The following CDC14A variants were observed in gnomAD, a reference collection of about 807,000 sequenced individuals.
CDC14A encodes dual specificity protein phosphatase CDC14A.
A neutral mutation model predicts 74.4 loss-of-function variants in CDC14A; 53 were observed. The ratio of observed to expected loss-of-function variants is 0.71; its 90% CI spans 0.57 to 0.89. CDC14A has a LOEUF of 0.89. Among genes scored for constraint, CDC14A ranks in the 40% least tolerant of loss-of-function variants. The pLI is 0.00. For missense variants in CDC14A, 646 were observed against 713.7 expected (o/e 0.91, Z 1.08); for synonymous variants, 247 against 258.4 (o/e 0.96, Z 0.43).
At chr1:100,415,055 A>C (rs1181837779) in intron 4 of CDC14A, among the ~76,000 whole-genome samples, 1 of 152,162 alleles carries the variant, frequency 6.6e-6, no homozygotes, top group Non-Finnish European at 1.5e-5. Context: ...AGAGATGTGC[A>C]TTTGTGCTGG....
At chr1:100,412,711 T>TA (rs1356778150) in intron 4 of CDC14A, among the ~76,000 whole-genome samples, 18 of 98,076 alleles carry the variant, frequency 1.8e-4, no homozygotes, top group South Asian at 5.1e-4. Flanking sequence ...TATATATATA[T>TA]ATATATATAT....
At chr1:100,440,495 A>C (rs111628015) in intron 6 of CDC14A, among the ~76,000 whole-genome samples, 1 of 152,176 alleles carries the variant, frequency 6.6e-6, no homozygotes, top group Non-Finnish European at 1.5e-5. Flanking sequence ...TTATTTCTGT[A>C]TATAATGGAG....
At chr1:100,376,115 G>A (rs1655217794) in intron 2 of CDC14A, among the ~76,000 whole-genome samples, 1 of 152,120 alleles carries the variant, frequency 6.6e-6, no homozygotes, top group Non-Finnish European at 1.5e-5. Context: ...ACTTGGACAT[G>A]GGAAGGGGAA....
chr1:100,424,140 A>G, intron 4 of CDC14A, 82 bp from the exon 5 acceptor site: 3 of 960,430 alleles, frequency 3.1e-6, no homozygotes, highest in Non-Finnish European at 5.1e-6. Flanking sequence ...CTCAAAGTGG[A>G]GGAAGTGAAA....
At chr1:100,473,408 C>T (rs971016777) in intron 10 of CDC14A, among the ~76,000 whole-genome samples, 13 of 151,222 alleles carry the variant, frequency 8.6e-5, no homozygotes, top group African/African-American at 2.2e-4. Flanking sequence ...TTTTTTGAGA[C>T]GGTGTTTCAC....
At chr1:100,393,323 T>G in intron 4 of CDC14A, 1 of 1,045,990 alleles carries the variant, frequency 9.6e-7, no homozygotes, top group South Asian at 1.3e-5. Flanking sequence ...ATCCATGCTG[T>G]GACATTAGTT....
intron 11 of CDC14A, among the ~76,000 whole-genome samples, chr1:100,493,806 T>G (rs1052251613): frequency 2.0e-5 from 3 of 152,212 alleles, no homozygotes; most frequent in African/African-American, 7.2e-5. Flanking sequence ...AGGTTTGATC[T>G]TTTTACTGTG....
intron 4 of CDC14A, among the ~76,000 whole-genome samples, chr1:100,406,631 A>AAGG (rs1659976262): frequency 6.6e-6 from 1 of 151,996 alleles, no homozygotes; most frequent in Non-Finnish European, 1.5e-5. Context: ...ATTTATTAAA[A>AAGG]AGGCTGTTCT....
chr1:100,358,867 T>C (rs1287330834), intron 2 of CDC14A, among the ~76,000 whole-genome samples: 1 of 152,202 alleles, frequency 6.6e-6, no homozygotes, highest in African/African-American at 2.4e-5. Context: ...CTAGAAATAT[T>C]TGTGGGAATG....
chr1:100,424,424 G>C, intron 5 of CDC14A, 123 bp downstream of exon 5: 2 of 681,392 alleles, frequency 2.9e-6, no homozygotes, highest in East Asian at 5.4e-5. Context: ...AATGAAATGA[G>C]ATGGTAGTTT....
intron 3 of CDC14A, among the ~76,000 whole-genome samples, chr1:100,386,694 A>T (rs776102974): frequency 6.6e-5 from 10 of 152,138 alleles, no homozygotes; most frequent in Admixed American, 1.3e-4. Context: ...TACAGAGGAG[A>T]CAGACCAGAG....
At chr1:100,369,568 T>C (rs1258736555) in intron 2 of CDC14A, among the ~76,000 whole-genome samples, 1 of 152,236 alleles carries the variant, frequency 6.6e-6, no homozygotes, top group South Asian at 2.1e-4. Flanking sequence ...GCTCATTTTT[T>C]AATGGGGTTA....
At chr1:100,403,071 TA>T (rs1229547394) in intron 4 of CDC14A, among the ~76,000 whole-genome samples, 1 of 152,068 alleles carries the variant, frequency 6.6e-6, no homozygotes, top group African/African-American at 2.4e-5. Flanking sequence ...CAAGGAGTGA[TA>T]GGGGGATAAG....
intron 8 of CDC14A, among the ~76,000 whole-genome samples, chr1:100,461,151 G>A (rs1031142646): frequency 4.6e-5 from 7 of 152,260 alleles, no homozygotes; most frequent in Admixed American, 2.6e-4. Flanking sequence ...AGTGGAGTTA[G>A]CAGAACCTGC....
chr1:100,363,465 G>T (rs532567386), intron 2 of CDC14A, among the ~76,000 whole-genome samples: 9 of 152,238 alleles, frequency 5.9e-5, no homozygotes, highest in African/African-American at 2.2e-4. Context: ...ACAATTATTT[G>T]TTGTTGACAG....
At chr1:100,434,060 A>G (rs934846837) in intron 5 of CDC14A, among the ~76,000 whole-genome samples, 3 of 152,186 alleles carry the variant, frequency 2.0e-5, no homozygotes, top group Non-Finnish European at 2.9e-5. Context: ...AAAATAAACA[A>G]CAAGTCCCAA....
intron 4 of CDC14A, among the ~76,000 whole-genome samples, chr1:100,397,203 G>T (rs903037344): frequency 1.3e-5 from 2 of 152,068 alleles, no homozygotes; most frequent in African/African-American, 4.8e-5. Context: ...GAATGATGTG[G>T]GCACTGGAGA....
At chr1:100,366,965 C>T (rs1653718471) in intron 2 of CDC14A, among the ~76,000 whole-genome samples, 2 of 152,024 alleles carry the variant, frequency 1.3e-5, no homozygotes, top group South Asian at 4.2e-4. Flanking sequence ...ATAAAATGTC[C>T]GTGTTTTTCC....
At chr1:100,389,116 A>G (rs796482351) in intron 3 of CDC14A, among the ~76,000 whole-genome samples, 70 of 124,324 alleles carry the variant, frequency 5.6e-4, no homozygotes, top group African/African-American at 2.9e-3. Flanking sequence ...TCAAGGCTGC[A>G]GTGAGCCAGA....
Sources: gnomAD v4.1 joint callset for allele counts (sites outside exome capture counted in the v4.1 genomes callset) on GRCh38, gnomAD v4.1.1 for gene constraint, MANE v1.5 for transcripts, NCBI Gene and HGNC (gene_info 2026-07-23, HGNC 2026-07-21) for gene names.